THRAP3: variants seen among roughly 807,000 people sequenced by gnomAD.
THRAP3 encodes thyroid hormone receptor associated protein 3.
A neutral mutation model predicts 101.0 loss-of-function variants in THRAP3; 16 were observed. The observed-to-expected ratio is 0.16, with a 90% CI of 0.11 to 0.24. The LOEUF (loss-of-function observed/expected upper bound fraction) is 0.24. Among genes scored for constraint, THRAP3 ranks in the 10% least tolerant of loss-of-function variants. The pLI, the probability that THRAP3 is intolerant of heterozygous loss-of-function variation, is 1.00. For synonymous variants in THRAP3, 407 were observed against 422.6 expected (o/e 0.96, Z 0.45); for missense variants, 989 against 1,202.7 (o/e 0.82, Z 2.63).
At chr1:36,274,119 G>A (rs1361449817) in intron 2 of THRAP3, among the ~76,000 whole-genome samples, 1 of 149,166 alleles carries the variant, frequency 6.7e-6, no homozygotes, top group Admixed American at 6.7e-5. Flanking sequence ...GACAAAATGA[G>A]CTGTATTTCT....
intron 4 of THRAP3, 83 bp downstream of exon 4, chr1:36,287,353 T>C: frequency 6.9e-7 from 1 of 1,446,116 alleles, no homozygotes; most frequent in Non-Finnish European, 9.2e-7. Flanking sequence ...AAGTTAGAGC[T>C]CTGATTAATG....
upstream of THRAP3, among the ~76,000 whole-genome samples, chr1:36,221,334 CA>C (rs1038561623): frequency 4.9e-4 from 75 of 151,620 alleles, no homozygotes; most frequent in African/African-American, 1.6e-3. Context: ...AAAATGCTAT[CA>C]GAGCACTGCA....
intron 1 of THRAP3, among the ~76,000 whole-genome samples, chr1:36,251,452 CTG>C (rs1034097711): frequency 3.3e-5 from 5 of 152,058 alleles, no homozygotes; most frequent in African/African-American, 1.2e-4. Context: ...TGATTCCTCT[CTG>C]TGTTGTACAT....
chr1:36,284,397 A>G (rs2124590345), intron 3 of THRAP3, among the ~76,000 whole-genome samples: 1 of 152,336 alleles, frequency 6.6e-6, no homozygotes, highest in Non-Finnish European at 1.5e-5. Flanking sequence ...TTTATAATTG[A>G]TTGTAATCTG....
chr1:36,249,193 CTTTTTTTT>C (rs35410710), intron 1 of THRAP3, among the ~76,000 whole-genome samples: 1 of 117,524 alleles, frequency 8.5e-6, no homozygotes, highest in Non-Finnish European at 1.8e-5. Flanking sequence ...AGCACAGTCC[CTTTTTTTT>C]TTTTTTTTTT....
chr1:36,213,958 A>G, the THRAP3 span, among the ~76,000 whole-genome samples: 380 of 118,278 alleles, frequency 3.2e-3, 3 homozygotes, highest in Admixed American at 8.4e-3. Context: ...AAAGAAAGAA[A>G]GAAGGAAAGA....
intron 1 of THRAP3, chr1:36,242,026 T>G (rs1328872310): frequency 1.7e-5 from 3 of 177,984 alleles, no homozygotes; most frequent in African/African-American, 7.1e-5. Flanking sequence ...AACACTGGTA[T>G]GCTCCATGCA....
chr1:36,240,174 C>G (rs761860943), intron 1 of THRAP3, among the ~76,000 whole-genome samples: 1 of 152,124 alleles, frequency 6.6e-6, no homozygotes, highest in Non-Finnish European at 1.5e-5. Flanking sequence ...TTGGCTCTCA[C>G]AGTTACAGGG....
chr1:36,298,364 C>G (rs1570351104), intron 9 of THRAP3, among the ~76,000 whole-genome samples: 1 of 152,290 alleles, frequency 6.6e-6, no homozygotes, highest in Middle Eastern at 3.4e-3. Flanking sequence ...ACATGAACCC[C>G]TCAAGCATTT....
At chr1:36,287,944 C>A (rs1645816672) in intron 4 of THRAP3, 1 of 982,888 alleles carries the variant, frequency 1.0e-6, no homozygotes, top group African/African-American at 1.7e-5. Context: ...AGGGAAGTTG[C>A]ACTGGGACCA....
Position 36,289,122 on chromosome 1 carries a change from A to G in THRAP3, c.1103A>G (p.Asp368Gly). Residue 368 changes from aspartate to glycine, a missense_variant, in exon 5 of 12, where the codon GAT becomes GGT. Transcript: ENST00000354618. Reference sequence around the variant, plus strand: ...AAGGAACAGAAACAAACAAATACCGATAAAGAAAAAATAAAAGAGAAAGGG... The same window carrying G: ...AAGGAACAGAAACAAACAAATACCGGTAAAGAAAAAATAAAAGAGAAAGGG... ...KDKEQKQTNTDKEKIKEKGSF... is the reference protein window; with the variant it reads ...KDKEQKQTNTGKEKIKEKGSF... 6.2e-7 allele frequency: 1 copy of G among 1,611,210 alleles called. No individual in the cohort carries two copies.
the THRAP3 span, among the ~76,000 whole-genome samples, chr1:36,215,504 T>C: frequency 6.6e-6 from 1 of 152,162 alleles, no homozygotes; most frequent in South Asian, 2.1e-4. Flanking sequence ...ATATCGTTTA[T>C]GGGTCATTCC....
chr1:36,274,439 A>G (rs1645629832), intron 2 of THRAP3, among the ~76,000 whole-genome samples: 1 of 152,182 alleles, frequency 6.6e-6, no homozygotes, highest in African/African-American at 2.4e-5. Flanking sequence ...TCATATGGAC[A>G]TGTACCTAGA....
At chr1:36,241,650 C>T (rs1645163140) in intron 1 of THRAP3, among the ~76,000 whole-genome samples, 1 of 148,994 alleles carries the variant, frequency 6.7e-6, no homozygotes, top group African/African-American at 2.5e-5. Flanking sequence ...GTGATCTTGG[C>T]TCACTGCAAT....
chr1:36,243,984 C>G (rs1181220177), intron 1 of THRAP3, among the ~76,000 whole-genome samples: 9 of 143,486 alleles, frequency 6.3e-5, no homozygotes, highest in Admixed American at 6.1e-4. Flanking sequence ...GAACCCCCCA[C>G]CTCCCTCCCG....
chr1:36,223,115 A>C (rs1327364710), upstream of THRAP3, among the ~76,000 whole-genome samples: 1 of 152,082 alleles, frequency 6.6e-6, no homozygotes, highest in East Asian at 1.9e-4. Flanking sequence ...CGACATAGGG[A>C]GAATCTCAAT....
intron 1 of THRAP3, among the ~76,000 whole-genome samples, chr1:36,243,530 A>T (rs1645189981): frequency 6.6e-6 from 1 of 152,330 alleles, no homozygotes; most frequent in South Asian, 2.1e-4. Context: ...TCACAGATCA[A>T]CAGGATCCCA....
At position 36,292,625 on chromosome 1, in the gene THRAP3, C is replaced by T. The variant is rs1458236804; in HGVS notation, c.1946C>T (p.Thr649Ile). 2 of 1,613,372 alleles carry T rather than the reference C, an allele frequency of 1.2e-6. No individual in the cohort carries two copies. Among genetic ancestry groups the T allele is most frequent in the Admixed American group, 1.7e-5 (1 of 59,880 alleles). ...KEHHFGSSGM[T>I]LHERFTKYLK... ...CATCACTTTGGGTCCTCAGGAATGA[C>T]ATTACATGAACGCTTTACTAAATAC... Residue 649 changes from threonine (T) to isoleucine (I), a missense_variant, in exon 7 of 12, where the codon ACA becomes ATA. Transcript: ENST00000354618.
intron 1 of THRAP3, among the ~76,000 whole-genome samples, chr1:36,228,407 A>C (rs1341696661): frequency 6.6e-6 from 1 of 152,148 alleles, no homozygotes; most frequent in African/African-American, 2.4e-5. Context: ...TAGTAGAGAC[A>C]GACAGGGTTT....
Sources: allele counts gnomAD v4.1 joint callset (sites outside exome capture counted in the v4.1 genomes callset), GRCh38; gene constraint gnomAD v4.1.1; transcripts MANE v1.5; gene names NCBI Gene and HGNC (gene_info 2026-07-23, HGNC 2026-07-21).